The following ESRRB variants were observed in gnomAD, a reference collection of about 807,000 sequenced individuals.
ESRRB encodes the protein estrogen related receptor beta, also known as steroid hormone receptor ERR2.
ESRRB carries 16 observed loss-of-function variants against 46.0 expected under a neutral mutation model. That is an observed-to-expected ratio of 0.35 (90% CI 0.24 to 0.53). The LOEUF (loss-of-function observed/expected upper bound fraction) is 0.53, where lower values mean the gene tolerates loss of function less well. Among genes scored for constraint, ESRRB ranks in the 20% least tolerant of loss-of-function variants. The probability of loss-of-function intolerance (pLI) is 0.93; values close to 1 mark genes in which losing one functional copy is unlikely to be tolerated. For missense variants in ESRRB, 488 were observed against 607.4 expected, an observed-to-expected ratio of 0.80 and a Z score of 2.07; for synonymous variants, 246 against 259.6, an observed-to-expected ratio of 0.95 and a Z score of 0.50.
At position 76,490,204 on chromosome 14, in the gene ESRRB, C is replaced by T. The variant is rs374032342; in HGVS notation, c.851-1243C>T. Among the ~76,000 whole-genome samples the T allele has an allele frequency of 9.2e-5, 14 of 152,300 alleles. No homozygotes were observed. The East Asian group carries it at 1.3e-3, about 15-fold the overall frequency. The stretch of plus-strand genomic sequence containing the variant: ...CTTCTTTGAATAAATCCAGCATGTC[C>T]GTGTTAGAACCAATCACTGAGTTTC... On this transcript the variant is annotated intron_variant, in intron 5 of 6. Coordinates refer to ENST00000644823, the MANE Select transcript of ESRRB (RefSeq NM_001379180.1).
intron 5 of ESRRB, among the ~76,000 whole-genome samples, chr14:76,489,309 C>G (rs1433837170): frequency 6.6e-6 from 1 of 152,030 alleles, no homozygotes; most frequent in Non-Finnish European, 1.5e-5. Flanking sequence ...ATTAATGTTG[C>G]CCAAGGCCTC....
intron 2 of ESRRB, among the ~76,000 whole-genome samples, chr14:76,447,270 C>CTTCT (rs1349471537): frequency 1.3e-4 from 16 of 121,150 alleles, no homozygotes; most frequent in Non-Finnish European, 9.6e-5. Flanking sequence ...TCCTTCCTTC[C>CTTCT]TTCCTTCCTT....
rs181140532 is a variant in ESRRB at position 76,425,710 on chromosome 14, T to G, written c.51-13631T>G. On this transcript the variant is annotated intron_variant, in intron 1 of 6. Coordinates refer to ENST00000644823, the MANE Select transcript of ESRRB (RefSeq NM_001379180.1). ...CACCACGCTGTGTCCTCCCTGCTGG[T>G]TTTTTGTTTGTTTTTTGAGACAGGG... Among the ~76,000 whole-genome samples the G allele has an allele frequency of 1.5e-3, 224 of 152,208 alleles. 1 individual carries two copies. The highest frequency in any genetic ancestry group is 5.0e-3 in the African/African-American group (206 of 41,530).
In ESRRB at chr14:76,355,930, T is replaced by C. The variant is rs1490128477; in HGVS notation, c.2+45014T>C. On this transcript the variant is annotated intron_variant, in intron 1 of 6. Transcript: ENST00000512784. ...GGTGTCTGGTGTGCAGAGGATCAGA[T>C]GACCCTCTTCCGCAATCTCTTCCCC... Among the ~76,000 whole-genome samples, 44 of 152,216 alleles carry C rather than the reference T, an allele frequency of 2.9e-4. 2 individuals carry two copies. Among genetic ancestry groups the C allele is most frequent in the Admixed American group, 2.9e-3 (44 of 15,288 alleles).
At chr14:76,315,798 C>G (rs1883793277) in intron 1 of ESRRB, among the ~76,000 whole-genome samples, 1 of 152,190 alleles carries the variant, frequency 6.6e-6, no homozygotes, top group South Asian at 2.1e-4. Flanking sequence ...CATGAGGAAG[C>G]CCTCTAACCT....
intron 1 of ESRRB, among the ~76,000 whole-genome samples, chr14:76,323,302 T>C (rs1883889734): frequency 6.7e-6 from 1 of 148,514 alleles, no homozygotes; most frequent in African/African-American, 2.5e-5. Flanking sequence ...CTCTCTCTCT[T>C]TCTCTTTTTT....
chr14:76,327,434 G>A (rs1167161709), intron 1 of ESRRB, among the ~76,000 whole-genome samples: 1 of 152,122 alleles, frequency 6.6e-6, no homozygotes, highest in African/African-American at 2.4e-5. Context: ...TATGTGAGGT[G>A]GTAGGTTTTC....
chr14:76,370,679 C>T (rs1344882796), upstream of ESRRB, among the ~76,000 whole-genome samples: 1 of 152,130 alleles, frequency 6.6e-6, no homozygotes. Context: ...CTCTTTTTCT[C>T]CCTTAGAAAT....
At chr14:76,359,953 T>C (rs1231311503) in intron 1 of ESRRB, among the ~76,000 whole-genome samples, 4 of 152,214 alleles carry the variant, frequency 2.6e-5, no homozygotes, top group Non-Finnish European at 5.9e-5. Context: ...TCAGGTATGG[T>C]TGGATCCAGG....
intron 1 of ESRRB, among the ~76,000 whole-genome samples, chr14:76,329,707 G>C (rs1307816782): frequency 2.6e-5 from 4 of 152,158 alleles, no homozygotes; most frequent in Non-Finnish European, 5.9e-5. Flanking sequence ...ACATGCACAC[G>C]CTGCCCTGCC....
chr14:76,381,929 C>T (rs1476997058), intron 1 of ESRRB, among the ~76,000 whole-genome samples: 3 of 152,162 alleles, frequency 2.0e-5, no homozygotes, highest in African/African-American at 7.2e-5. Flanking sequence ...TCCCTCCCTC[C>T]TATGAGTGTA....
intron 1 of ESRRB, among the ~76,000 whole-genome samples, chr14:76,416,878 T>C (rs1347664386): frequency 6.6e-6 from 1 of 152,180 alleles, no homozygotes; most frequent in Non-Finnish European, 1.5e-5. Flanking sequence ...GAACTTAACC[T>C]TAGGTGGACA....
intron 3 of ESRRB, among the ~76,000 whole-genome samples, chr14:76,481,650 A>T (rs1424467898): frequency 1.3e-5 from 2 of 152,154 alleles, no homozygotes; most frequent in East Asian, 3.8e-4. Flanking sequence ...TTTTGTTGGC[A>T]AGTTAACCCT....
chr14:76,497,296 C>G (rs898444590), intron 6 of ESRRB, among the ~76,000 whole-genome samples: 2 of 152,108 alleles, frequency 1.3e-5, no homozygotes, highest in Non-Finnish European at 2.9e-5. Context: ...GACACTCACC[C>G]CCAGCCTGAG....
chr14:76,442,461 G>A (rs574937391), intron 2 of ESRRB, among the ~76,000 whole-genome samples: 1 of 152,062 alleles, frequency 6.6e-6, no homozygotes, highest in African/African-American at 2.4e-5. Flanking sequence ...GGGCAACAGA[G>A]CAAGATCCCG....
intron 1 of ESRRB, among the ~76,000 whole-genome samples, chr14:76,425,587 C>T (rs773743688): frequency 6.6e-6 from 1 of 152,096 alleles, no homozygotes; most frequent in Non-Finnish European, 1.5e-5. Context: ...TAGAGCTTTC[C>T]CTGTGCGGCC....
intron 1 of ESRRB, among the ~76,000 whole-genome samples, chr14:76,331,813 G>T (rs1056310776): frequency 6.6e-5 from 10 of 151,842 alleles, no homozygotes; most frequent in African/African-American, 2.4e-4. Context: ...CCCTGCACCT[G>T]TGCCAGGAGG....
intron 1 of ESRRB, among the ~76,000 whole-genome samples, chr14:76,332,748 ATATT>A (rs1884042648): frequency 6.4e-5 from 1 of 15,712 alleles, no homozygotes; most frequent in Non-Finnish European, 1.0e-4. Context: ...ATATATTTAT[ATATT>A]ATATATAAAT....
chr14:76,390,003 T>C (rs1317279657), intron 1 of ESRRB, among the ~76,000 whole-genome samples: 1 of 152,172 alleles, frequency 6.6e-6, no homozygotes, highest in Non-Finnish European at 1.5e-5. Context: ...TGGGAGTATT[T>C]ACACCACGGA....
Sources: gnomAD v4.1 joint callset for allele counts (sites outside exome capture counted in the v4.1 genomes callset) on GRCh38, gnomAD v4.1.1 for gene constraint, MANE v1.5 for transcripts, NCBI Gene and HGNC (gene_info 2026-07-23, HGNC 2026-07-21) for gene names.